RGS20: variants seen among roughly 807,000 people sequenced by gnomAD.
RGS20 encodes gz-selective GTPase-activating protein.
A neutral mutation model predicts 33.6 loss-of-function variants in RGS20; 30 were observed. The ratio of observed to expected loss-of-function variants is 0.89; its 90% CI spans 0.67 to 1.21. The LOEUF is 1.21. Ranked by LOEUF, RGS20 falls within the 50% of genes most tolerant of loss-of-function variation. The probability of loss-of-function intolerance (pLI) is 0.00; values close to 1 mark genes in which losing one functional copy is unlikely to be tolerated. For synonymous variants in RGS20, 208 were observed against 197.9 expected, an observed-to-expected ratio of 1.05 and a Z score of -0.43; for missense variants, 472 against 502.4, an observed-to-expected ratio of 0.94 and a Z score of 0.58.
chr8:53,891,202 G>A (rs1000875382), intron 2 of RGS20, among the ~76,000 whole-genome samples: 3 of 152,170 alleles, frequency 2.0e-5, no homozygotes, highest in Non-Finnish European at 4.4e-5. Flanking sequence ...AGACAGCTCA[G>A]CTTGGAAGAA....
At chr8:53,892,652 T>C (rs113553383) in intron 2 of RGS20, among the ~76,000 whole-genome samples, 3,426 of 152,282 alleles carry the variant, frequency 0.022, 139 homozygotes, top group African/African-American at 0.079. Context: ...TGTATAGCAG[T>C]GATAAGAATA....
At chr8:53,900,830 G>C (rs147260161) in intron 2 of RGS20, among the ~76,000 whole-genome samples, 87 of 152,270 alleles carry the variant, frequency 5.7e-4, no homozygotes, top group African/African-American at 2.1e-3. Context: ...TCTGTTTTAA[G>C]CGAGTGTTCT....
At chr8:53,855,735 C>T (rs1397624341) in intron 1 of RGS20, among the ~76,000 whole-genome samples, 3 of 152,172 alleles carry the variant, frequency 2.0e-5, no homozygotes, top group African/African-American at 7.2e-5. Context: ...CACGTGATTT[C>T]CTATGACTAT....
intron 1 of RGS20, among the ~76,000 whole-genome samples, chr8:53,860,172 A>C (rs1230846269): frequency 6.6e-6 from 1 of 152,222 alleles, no homozygotes; most frequent in Non-Finnish European, 1.5e-5. Flanking sequence ...AAGATGAAGC[A>C]AATATGTTGA....
In RGS20 at chr8:53,929,664, A is replaced by G. The variant is rs117496365; in HGVS notation, c.511-9912A>G. On this transcript the variant is annotated intron_variant, in intron 2 of 5. Coordinates refer to ENST00000297313, the MANE Select transcript of RGS20 (RefSeq NM_170587.4). ...GCCTGGGTGACAAGAGCAAAACTAC[A>G]TATCAAAAAAAATGTTTAATAACAG... Among the ~76,000 whole-genome samples, 1,000 of 152,316 alleles carry G rather than the reference A, an allele frequency of 6.6e-3. 3 individuals are homozygous for G. Among genetic ancestry groups the G allele is most frequent in the Non-Finnish European group, 0.01 (692 of 68,028 alleles).
intron 2 of RGS20, among the ~76,000 whole-genome samples, chr8:53,923,212 G>A (rs60067061): frequency 0.059 from 8,992 of 152,128 alleles, 626 homozygotes; most frequent in African/African-American, 0.16. Context: ...GATTACAGGC[G>A]TGAGCCACCG....
chr8:53,927,627 TG>T (rs1478345049), intron 2 of RGS20, among the ~76,000 whole-genome samples: 2 of 152,170 alleles, frequency 1.3e-5, no homozygotes, highest in African/African-American at 4.8e-5. Flanking sequence ...TGGGGGATGA[TG>T]TGTGTGACTT....
At chr8:53,910,388 T>G (rs1434620229) in intron 2 of RGS20, among the ~76,000 whole-genome samples, 1 of 150,922 alleles carries the variant, frequency 6.6e-6, no homozygotes. Flanking sequence ...AAACCCACCA[T>G]GAGCTGCCAC....
At chr8:53,945,431 C>G (rs1423140662) in intron 3 of RGS20, 1 of 152,022 alleles carries the variant, frequency 6.6e-6, no homozygotes, top group Admixed American at 6.6e-5. Context: ...TGCCTAGGGC[C>G]GGTAGAGTGG....
intron 3 of RGS20, among the ~76,000 whole-genome samples, chr8:53,939,986 G>A (rs1316156017): frequency 1.3e-5 from 2 of 152,182 alleles, no homozygotes; most frequent in South Asian, 2.1e-4. Flanking sequence ...ACCTCAGGCG[G>A]TTCACGATTG....
chr8:53,943,630 A>G (rs983636382), intron 3 of RGS20, among the ~76,000 whole-genome samples: 1 of 152,202 alleles, frequency 6.6e-6, no homozygotes. Flanking sequence ...CTTTTTCAAA[A>G]CCACATTGTC....
intron 1 of RGS20, among the ~76,000 whole-genome samples, chr8:53,852,977 A>G (rs1811599290): frequency 6.6e-6 from 1 of 152,192 alleles, no homozygotes; most frequent in Admixed American, 6.5e-5. Flanking sequence ...TTTTCTGTAA[A>G]AATATACGGA....
chr8:53,886,689 C>T (rs1423844681), intron 2 of RGS20, among the ~76,000 whole-genome samples: 1 of 152,154 alleles, frequency 6.6e-6, no homozygotes, highest in African/African-American at 2.4e-5. Context: ...TGGAGAACGC[C>T]CTGCTATCTG....
chr8:53,894,863 C>G (rs184641328), intron 2 of RGS20, among the ~76,000 whole-genome samples: 1 of 151,990 alleles, frequency 6.6e-6, no homozygotes, highest in East Asian at 1.9e-4. Context: ...ATATTTAGAC[C>G]CTGATAGAGT....
At chr8:53,889,120 C>T (rs1397169158) in intron 2 of RGS20, among the ~76,000 whole-genome samples, 1 of 152,176 alleles carries the variant, frequency 6.6e-6, no homozygotes, top group Non-Finnish European at 1.5e-5. Context: ...GTAGATACTG[C>T]AAAACTGTTT....
intron 1 of RGS20, among the ~76,000 whole-genome samples, chr8:53,863,928 C>T (rs1811864491): frequency 6.6e-6 from 1 of 151,806 alleles, no homozygotes; most frequent in Admixed American, 6.6e-5. Flanking sequence ...AGGGTTTCAC[C>T]ATGTTAGCCA....
intron 2 of RGS20, among the ~76,000 whole-genome samples, chr8:53,916,390 T>C (rs1217136276): frequency 6.6e-6 from 1 of 152,154 alleles, no homozygotes; most frequent in African/African-American, 2.4e-5. Flanking sequence ...CTAGATTTAC[T>C]ATTGTTTCTT....
intron 2 of RGS20, among the ~76,000 whole-genome samples, chr8:53,900,801 G>C (rs1438465424): frequency 1.3e-5 from 2 of 152,140 alleles, no homozygotes; most frequent in Non-Finnish European, 2.9e-5. Context: ...CAGACTGCTG[G>C]ACATTCCTGG....
chr8:53,919,336 TGTC>T (rs1435705143), intron 2 of RGS20, among the ~76,000 whole-genome samples: 1 of 151,248 alleles, frequency 6.6e-6, no homozygotes, highest in Admixed American at 6.6e-5. Flanking sequence ...CTCTGTGGGT[TGTC>T]TTTTCACTTT....
Sources: allele counts gnomAD v4.1 joint callset (sites outside exome capture counted in the v4.1 genomes callset), GRCh38; gene constraint gnomAD v4.1.1; transcripts MANE v1.5; gene names NCBI Gene and HGNC (gene_info 2026-07-23, HGNC 2026-07-21).